The following GPM6A variants were observed in gnomAD, a reference collection of about 807,000 sequenced individuals.
The protein encoded by GPM6A is glycoprotein M6A.
Under a neutral mutation model 32.1 loss-of-function variants are expected in GPM6A, and 7 were observed. The observed-to-expected ratio is 0.22, with a 90% CI of 0.12 to 0.41. GPM6A has a LOEUF of 0.41. GPM6A is among the 10% of genes least tolerant of loss of function. GPM6A has a pLI of 1.00. For synonymous variants in GPM6A, 130 were observed against 123.4 expected (o/e 1.05, Z -0.35); for missense variants, 235 against 347.2 (o/e 0.68, Z 2.57).
chr4:175,693,010 C>G (rs1271977912), intron 2 of GPM6A, among the ~76,000 whole-genome samples: 1 of 151,924 alleles, frequency 6.6e-6, no homozygotes, highest in Non-Finnish European at 1.5e-5. Context: ...ATTTGTTTAG[C>G]TTGATGAAAC....
chr4:175,787,353 A>T lies in GPM6A; in HGVS notation c.37+24838T>A, dbSNP rs1180172294. On this transcript the variant is annotated intron_variant, in intron 1 of 6. Coordinates refer to ENST00000393658, the MANE Select transcript of GPM6A (RefSeq NM_201591.3). Reference sequence around the variant, plus strand: ...GACCTTACCTTCCAGGTCTGTCATAAAAGTGTGATGCTGCCGGCCGCTGGC... The same window carrying T: ...GACCTTACCTTCCAGGTCTGTCATATAAGTGTGATGCTGCCGGCCGCTGGC... 3.9e-6 allele frequency: 6 copies of T among 1,534,594 alleles called. No homozygotes were observed. In the Admixed American group the frequency reaches 1.2e-4, roughly 30 times the overall value.
rs145324308 is a variant in GPM6A, at chr4:175,989,417, T to C, written c.-23+12892A>G. 1.8e-3 allele frequency among the ~76,000 whole-genome samples: 280 copies of C among 152,246 alleles called. 5 individuals are homozygous for C. The highest frequency in any genetic ancestry group is 6.3e-3 in the African/African-American group (262 of 41,578). On this transcript the variant is annotated intron_variant, in intron 1 of 7. Coordinates refer to the GPM6A transcript ENST00000280187. ...GACATGGAAGAGAGCCCCAGAATTA[T>C]GGAGACCTACAGACAATAATGTGAA...
intron 2 of GPM6A, among the ~76,000 whole-genome samples, chr4:175,682,824 A>C (rs1175528059): frequency 6.6e-6 from 1 of 152,224 alleles, no homozygotes; most frequent in Non-Finnish European, 1.5e-5. Context: ...CAGAGGATGT[A>C]TGAGAAAGCC....
intron 1 of GPM6A, among the ~76,000 whole-genome samples, chr4:175,727,773 G>T (rs1021735813): frequency 6.6e-6 from 1 of 152,174 alleles, no homozygotes; most frequent in Non-Finnish European, 1.5e-5. Context: ...GGAGGCCTAG[G>T]TGGGTGGATC....
chr4:175,978,821 A>G (rs925452502), intron 1 of GPM6A, among the ~76,000 whole-genome samples: 1 of 141,752 alleles, frequency 7.1e-6, no homozygotes, highest in Non-Finnish European at 1.5e-5. Flanking sequence ...AAGCTCTCTA[A>G]GTGAGTCTGA....
At chr4:175,815,938 A>G (rs1414761644), upstream of GPM6A, among the ~76,000 whole-genome samples, 1 of 152,038 alleles carries the variant, frequency 6.6e-6, no homozygotes, top group Non-Finnish European at 1.5e-5. Context: ...GCTGGTCTCG[A>G]ACTCCCAACC....
chr4:175,855,343 A>C (rs1013655732), intron 1 of GPM6A, among the ~76,000 whole-genome samples: 1 of 152,240 alleles, frequency 6.6e-6, no homozygotes, highest in African/African-American at 2.4e-5. Context: ...CAAAACTTAT[A>C]AAACTTTATG....
At chr4:175,661,472 G>T (rs1057483597) in intron 3 of GPM6A, among the ~76,000 whole-genome samples, 4 of 151,262 alleles carry the variant, frequency 2.6e-5, no homozygotes, top group Non-Finnish European at 5.9e-5. Context: ...AGTCACTGAG[G>T]ATGTTAGTTT....
At chr4:175,762,092 C>T (rs1732769626) in intron 1 of GPM6A, among the ~76,000 whole-genome samples, 1 of 152,186 alleles carries the variant, frequency 6.6e-6, no homozygotes, top group Admixed American at 6.5e-5. Context: ...CTGCACTGGG[C>T]CATAATAAGC....
chr4:175,716,285 C>T (rs986101303), intron 1 of GPM6A, among the ~76,000 whole-genome samples: 1 of 152,090 alleles, frequency 6.6e-6, no homozygotes, highest in African/African-American at 2.4e-5. Context: ...TAATTTTCTA[C>T]TTTGGGATTA....
At chr4:175,919,045 G>A (rs564083165) in intron 1 of GPM6A, among the ~76,000 whole-genome samples, 2 of 152,232 alleles carry the variant, frequency 1.3e-5, no homozygotes, top group Admixed American at 1.3e-4. Flanking sequence ...ACTAGGGAAT[G>A]TGGGAAAATT....
intron 1 of GPM6A, among the ~76,000 whole-genome samples, chr4:175,826,527 A>C (rs1329222619): frequency 1.3e-5 from 2 of 152,214 alleles, no homozygotes; most frequent in Non-Finnish European, 2.9e-5. Context: ...CGTTCACTAA[A>C]GGAGGTAAAT....
intron 1 of GPM6A, among the ~76,000 whole-genome samples, chr4:175,983,666 T>C (rs554413265): frequency 6.6e-6 from 1 of 152,202 alleles, no homozygotes; most frequent in South Asian, 2.1e-4. Context: ...ACATGTTGCA[T>C]ATTGGTTTCA....
At chr4:175,849,806 G>A (rs1170934373) in intron 1 of GPM6A, among the ~76,000 whole-genome samples, 1 of 152,068 alleles carries the variant, frequency 6.6e-6, no homozygotes. Flanking sequence ...AATTAATTCT[G>A]AGGAAAGGAA....
chr4:175,753,525 C>T (rs1732417069), intron 1 of GPM6A, among the ~76,000 whole-genome samples: 1 of 152,128 alleles, frequency 6.6e-6, no homozygotes, highest in Non-Finnish European at 1.5e-5. Context: ...TTGATAAACT[C>T]TGAAACAATG....
At position 175,775,572 on chromosome 4, in the gene GPM6A, T is replaced by TAA. The variant is rs201161391; in HGVS notation, c.37+36617_37+36618dup. Among the ~76,000 whole-genome samples, 17 of 151,150 alleles carry TAA rather than the reference T, an allele frequency of 1.1e-4. No individual in the cohort carries two copies. In the East Asian group the frequency reaches 3.3e-3, roughly 29 times the overall value. ...AGTTATTTTGCATTTCAAAATCAAGTAAAAAAAAATGGCAAATTTGATGGA... is the reference window on the plus strand; with the variant it reads ...AGTTATTTTGCATTTCAAAATCAAGTAAAAAAAAAAATGGCAAATTTGATGGA... On this transcript the variant is annotated intron_variant, in intron 1 of 6. Coordinates refer to ENST00000393658, the MANE Select transcript of GPM6A (RefSeq NM_201591.3).
chr4:175,743,779 TAAAG>T (rs1579450220), intron 1 of GPM6A, among the ~76,000 whole-genome samples: 1 of 151,868 alleles, frequency 6.6e-6, no homozygotes, highest in East Asian at 1.9e-4. Flanking sequence ...TTGCTAAAAA[TAAAG>T]AAGGACATTT....
chr4:175,866,921 G>T (rs1260567372), intron 1 of GPM6A, among the ~76,000 whole-genome samples: 6 of 152,134 alleles, frequency 3.9e-5, no homozygotes, highest in Non-Finnish European at 7.4e-5. Context: ...ATCTTCATCT[G>T]CATTTGGTGT....
chr4:175,698,317 G>A (rs1488612795), intron 2 of GPM6A, among the ~76,000 whole-genome samples: 3 of 152,118 alleles, frequency 2.0e-5, no homozygotes, highest in Admixed American at 2.0e-4. Flanking sequence ...AATAGACTCT[G>A]TAAATTACTA....
Sources: gnomAD v4.1 joint callset for allele counts (sites outside exome capture counted in the v4.1 genomes callset) on GRCh38, gnomAD v4.1.1 for gene constraint, MANE v1.5 for transcripts, NCBI Gene and HGNC (gene_info 2026-07-23, HGNC 2026-07-21) for gene names.